Variants in SYT9 observed in about 807,000 individuals in gnomAD.
SYT9 encodes synaptotagmin-9.
In SYT9, 22 loss-of-function variants were observed where a neutral mutation model predicts 48.4. That is an observed-to-expected ratio of 0.45 (90% CI 0.32 to 0.65). The LOEUF is 0.65. Ranked by LOEUF, SYT9 falls within the 30% of genes least tolerant of loss-of-function variation. SYT9 has a pLI of 0.03. For synonymous variants in SYT9, 265 were observed against 245.0 expected, an observed-to-expected ratio of 1.08 and a Z score of -0.76; for missense variants, 577 against 622.0, an observed-to-expected ratio of 0.93 and a Z score of 0.77.
intron 3 of SYT9, among the ~76,000 whole-genome samples, chr11:7,338,541 T>C (rs1033197022): frequency 2.0e-5 from 3 of 152,092 alleles, no homozygotes; most frequent in African/African-American, 4.8e-5. Context: ...AATTCTGTTA[T>C]GTTGTGTCTT....
At chr11:7,430,036 C>T (rs1847537945) in intron 6 of SYT9, among the ~76,000 whole-genome samples, 1 of 152,058 alleles carries the variant, frequency 6.6e-6, no homozygotes, top group Non-Finnish European at 1.5e-5. Flanking sequence ...GCTGTCCTTT[C>T]CCTTCAATGT....
At chr11:7,299,259 A>C (rs528609484) in intron 1 of SYT9, among the ~76,000 whole-genome samples, 13 of 152,138 alleles carry the variant, frequency 8.5e-5, no homozygotes, top group Non-Finnish European at 1.9e-4. Context: ...CATGGGTCTG[A>C]GGTGGGAAGT....
At position 7,239,732 on chromosome 11, in the gene SYT9, A is replaced by G. The variant is rs75662789; in HGVS notation, c.49+816A>G. On this transcript the variant is annotated intron_variant and NMD_transcript_variant, in intron 1 of 8. Coordinates refer to the SYT9 transcript ENST00000524820. ...TAGGGGCGGAGAGAAGGACACACCT[A>G]AAAGCAACAAGATTTGCTGGTGGAT... is the stretch of plus-strand genomic sequence containing the variant. Among the ~76,000 whole-genome samples, 17 of 152,282 alleles carry G rather than the reference A, an allele frequency of 1.1e-4. No individual in the cohort carries two copies. In the East Asian group the frequency reaches 3.3e-3, roughly 29 times the overall value.
At position 7,468,317 on chromosome 11, in the gene SYT9, C is replaced by T; in HGVS notation, c.*1517C>T. 1 of 398,624 alleles carries T rather than the reference C, an allele frequency of 2.5e-6. No homozygotes were observed. 24.7% of individuals were successfully genotyped at this position (398,624 alleles called of 1,614,324 possible). ...GCTGCCTAGTACTATACAAGAAGCT[C>T]TACTTTGATGGCAGATCTAAGAAGG... On this transcript the variant is annotated 3_prime_UTR_variant, in exon 7 of 7. Transcript: ENST00000318881.
In SYT9 at chr11:7,367,047, A is replaced by T. The variant is rs1850258928; in HGVS notation, c.1045-48995A>T. Among the ~76,000 whole-genome samples the T allele has an allele frequency of 3.0e-5, 4 of 133,396 alleles. No homozygotes were observed. The South Asian group carries it at 9.7e-4, about 32-fold the overall frequency. 87.5% of individuals were successfully genotyped at this position (133,396 alleles called of 152,430 possible). ...AGAAGACAGCAAATGCCCTCTTATC[A>T]TTACCCTTCTTTCCAGGAGACCATC... On this transcript the variant is annotated intron_variant, in intron 3 of 6. Transcript: ENST00000318881.
chr11:7,362,804 A>G (rs979923154), intron 3 of SYT9, among the ~76,000 whole-genome samples: 58 of 152,134 alleles, frequency 3.8e-4, no homozygotes, highest in Admixed American at 3.0e-3. Context: ...AATCAGTTTC[A>G]TCTTTTAATT....
At chr11:7,254,106 C>A (rs1847921140) in intron 1 of SYT9, among the ~76,000 whole-genome samples, 1 of 152,176 alleles carries the variant, frequency 6.6e-6, no homozygotes, top group Admixed American at 6.5e-5. Context: ...CACCAGGCAA[C>A]CCCTGAGAAA....
chr11:7,430,328 A>G (rs563244520), intron 6 of SYT9, among the ~76,000 whole-genome samples: 3 of 152,250 alleles, frequency 2.0e-5, no homozygotes, highest in Non-Finnish European at 4.4e-5. Flanking sequence ...GAACTTTACC[A>G]TTCATTGAGA....
At chr11:7,317,351 AAAC>A (rs1291303420) in intron 3 of SYT9, among the ~76,000 whole-genome samples, 7 of 152,188 alleles carry the variant, frequency 4.6e-5, no homozygotes, top group Admixed American at 4.6e-4. Context: ...TGGGCAACTT[AAAC>A]AATAGATATT....
chr11:7,371,448 C>G (rs1356393446), intron 3 of SYT9, among the ~76,000 whole-genome samples: 3 of 151,848 alleles, frequency 2.0e-5, no homozygotes, highest in Non-Finnish European at 4.4e-5. Flanking sequence ...TATATTTTTG[C>G]TGCCATTGAG....
intron 3 of SYT9, among the ~76,000 whole-genome samples, chr11:7,405,767 T>C (rs1360812902): frequency 6.6e-6 from 1 of 152,194 alleles, no homozygotes; most frequent in East Asian, 1.9e-4. Context: ...ATGGGATATT[T>C]TACTATTTTA....
intron 3 of SYT9, among the ~76,000 whole-genome samples, chr11:7,366,580 A>C (rs974907213): frequency 1.5e-4 from 23 of 152,210 alleles, no homozygotes; most frequent in Non-Finnish European, 2.9e-4. Flanking sequence ...ATTTTAACTC[A>C]TAATCCTCCT....
chr11:7,289,857 T>G (rs1848667307), intron 1 of SYT9, among the ~76,000 whole-genome samples: 1 of 152,210 alleles, frequency 6.6e-6, no homozygotes, highest in African/African-American at 2.4e-5. Context: ...TGATAAAAAT[T>G]AACAATTTAG....
intron 2 of SYT9, among the ~76,000 whole-genome samples, chr11:7,309,264 C>A (rs115030733): frequency 8.7e-4 from 133 of 152,268 alleles, no homozygotes; most frequent in African/African-American, 3.0e-3. Context: ...AGCTTCTCTA[C>A]GACAGCATTA....
At chr11:7,428,366 G>C (rs1435371535) in intron 6 of SYT9, among the ~76,000 whole-genome samples, 1 of 152,222 alleles carries the variant, frequency 6.6e-6, no homozygotes, top group East Asian at 1.9e-4. Context: ...TGAGCCATCA[G>C]CTGTCTCCAT....
chr11:7,449,739 GA>G (rs1233951424), intron 6 of SYT9, among the ~76,000 whole-genome samples: 2 of 152,156 alleles, frequency 1.3e-5, no homozygotes, highest in Non-Finnish European at 2.9e-5. Context: ...GGCTATCCTA[GA>G]AAATAAAGCC....
intron 6 of SYT9, among the ~76,000 whole-genome samples, chr11:7,463,474 A>G (rs1314057908): frequency 6.6e-6 from 1 of 151,922 alleles, no homozygotes; most frequent in East Asian, 1.9e-4. Flanking sequence ...GTCTTCCCCC[A>G]ACAGAAGCCA....
chr11:7,362,142 A>ATTTTTTT (rs59675647), intron 3 of SYT9, among the ~76,000 whole-genome samples: 5 of 138,344 alleles, frequency 3.6e-5, no homozygotes, highest in Admixed American at 7.1e-5. Context: ...ATTTTATTTT[A>ATTTTTTT]TTTTTTTTTT....
chr11:7,386,666 G>A (rs1470505314), intron 3 of SYT9, among the ~76,000 whole-genome samples: 55 of 152,182 alleles, frequency 3.6e-4, no homozygotes, highest in Non-Finnish European at 4.3e-4. Context: ...TGGAGAGGAT[G>A]TGGAGAAATA....
Sources: gnomAD v4.1 joint callset for allele counts (sites outside exome capture counted in the v4.1 genomes callset) on GRCh38, gnomAD v4.1.1 for gene constraint, MANE v1.5 for transcripts, NCBI Gene and HGNC (gene_info 2026-07-23, HGNC 2026-07-21) for gene names.